ADGRE2: variants seen among roughly 807,000 people sequenced by gnomAD.
The protein encoded by ADGRE2 is adhesion G protein-coupled receptor E2.
In ADGRE2, 83 loss-of-function variants were observed where a neutral mutation model predicts 100.8. That is an observed-to-expected ratio of 0.82 (90% CI 0.69 to 0.99). ADGRE2 has a LOEUF of 0.99. Among genes scored for constraint, ADGRE2 ranks in the 50% least tolerant of loss-of-function variants. The probability of loss-of-function intolerance (pLI) is 0.00; values close to 1 mark genes in which losing one functional copy is unlikely to be tolerated. For missense variants in ADGRE2, 814 were observed against 1,035.7 expected (o/e 0.79, Z 2.94); for synonymous variants, 355 against 413.0 (o/e 0.86, Z 1.70).
In ADGRE2 at chr19:14,776,812, C is replaced by A. The variant is rs558069703; in HGVS notation, c.-56G>T. On this transcript the variant is annotated 5_prime_UTR_variant, in exon 2 of 21. Transcript: ENST00000315576. ...AGGGGAAAGAGTGAGTGGGACAGGG[C>A]TGTCCCGTCTCCGCAGGCTGGGCAG... 2.9e-5 allele frequency: 46 copies of A among 1,608,056 alleles called. No individual in the cohort carries two copies. In the Admixed American group the frequency reaches 7.8e-4, roughly 27 times the overall value.
intron 5 of ADGRE2, among the ~76,000 whole-genome samples, chr19:14,769,387 A>G (rs1323959880): frequency 6.6e-6 from 1 of 152,058 alleles, no homozygotes. Context: ...TGATGCCTGG[A>G]GTAAGTGGGG....
At chr19:14,731,650 A>T (rs2042672597), downstream of ADGRE2, 1 of 155,360 alleles carries the variant, frequency 6.4e-6, no homozygotes, top group Admixed American at 6.5e-5. Flanking sequence ...TCTACCTTAA[A>T]GCCGTATTTC....
downstream of ADGRE2, chr19:14,731,320 C>T (rs2042669458): frequency 1.1e-6 from 1 of 884,564 alleles, no homozygotes; most frequent in East Asian, 2.7e-5. Flanking sequence ...AGGTCAGTGG[C>T]CTTGGACTTT....
At chr19:14,748,079 G>A (rs1288713274) in intron 16 of ADGRE2, among the ~76,000 whole-genome samples, 1 of 152,040 alleles carries the variant, frequency 6.6e-6, no homozygotes, top group Non-Finnish European at 1.5e-5. Flanking sequence ...TCGTCACCCT[G>A]GTCATCAGCA....
downstream of ADGRE2, among the ~76,000 whole-genome samples, chr19:14,729,681 G>A (rs1255091638): frequency 6.6e-6 from 1 of 152,146 alleles, no homozygotes; most frequent in Non-Finnish European, 1.5e-5. Flanking sequence ...ACAGGAGGAA[G>A]AAGTTCAGGA....
intron 20 of ADGRE2, among the ~76,000 whole-genome samples, chr19:14,739,136 G>C (rs2042848883): frequency 6.6e-6 from 1 of 151,696 alleles, no homozygotes; most frequent in Non-Finnish European, 1.5e-5. Flanking sequence ...TGCCTGGCTA[G>C]TTTTTGTGTT....
In ADGRE2 at chr19:14,765,692, T is replaced by G. The variant is rs1212739313; in HGVS notation, c.747A>C (p.Gly249=). The G allele has an allele frequency of 6.2e-7, 1 of 1,613,002 alleles. No individual in the cohort carries two copies. Among genetic ancestry groups the G allele is most frequent in the Non-Finnish European group, 8.5e-7 (1 of 1,179,338 alleles). ...RCRPGWKPRH[G]IPNNQKDTVC... is the part of the protein sequence containing the mutation. ...CAGTGTCCTTTTGGTTATTCGGGAT[T>G]CCGTGTCTGGGCTTCCAGCCTGGGC... is the stretch of plus-strand genomic sequence containing the variant. Residue 249 remains glycine (G), a synonymous_variant, in exon 8 of 21, where the codon GGA becomes GGC. Transcript: ENST00000315576.
chr19:14,728,551 C>G (rs1349979665), downstream of ADGRE2, among the ~76,000 whole-genome samples: 1 of 152,120 alleles, frequency 6.6e-6, no homozygotes, highest in Non-Finnish European at 1.5e-5. Flanking sequence ...TAAATGTATT[C>G]AATAGAAAGA....
At chr19:14,737,647 G>A (rs1252608485) in intron 20 of ADGRE2, among the ~76,000 whole-genome samples, 1 of 152,014 alleles carries the variant, frequency 6.6e-6, no homozygotes, top group East Asian at 1.9e-4. Context: ...AAGTTAAGAG[G>A]AAGTAAATGT....
intron 1 of ADGRE2, chr19:14,777,208 G>A (rs1327370935): frequency 4.1e-6 from 2 of 484,712 alleles, no homozygotes; most frequent in Non-Finnish European, 5.4e-6. Context: ...AGGCACGCAG[G>A]GGCCTTGTCA....
chr19:14,736,791 G>T (rs890430600), intron 20 of ADGRE2, among the ~76,000 whole-genome samples: 5 of 135,776 alleles, frequency 3.7e-5, no homozygotes, highest in Non-Finnish European at 4.7e-5. Context: ...TAGAAGTATA[G>T]ATATTTAGAA....
At chr19:14,739,214 C>T (rs2147099101) in intron 20 of ADGRE2, among the ~76,000 whole-genome samples, 1 of 152,274 alleles carries the variant, frequency 6.6e-6, no homozygotes, top group East Asian at 1.9e-4. Flanking sequence ...AAGTGCTCTG[C>T]CCGCCTTGGC....
In ADGRE2 at chr19:14,755,641, C is replaced by T. The variant is rs1386051517; in HGVS notation, c.1416+13G>A. The T allele has an allele frequency of 1.9e-6, 3 of 1,612,890 alleles. No individual in the cohort carries two copies. The highest frequency in any genetic ancestry group is 2.5e-6 in the Non-Finnish European group (3 of 1,178,868). On this transcript the variant is annotated intron_variant, in intron 13 of 20. Transcript: ENST00000315576. ...AGACTATTCACCCACCAACCAACTC[C>T]ACCAGCACTCACACGGTGGGAGAAG...
Position 14,755,121 on chromosome 19 carries a change from T to C in ADGRE2, c.1423A>G (p.Ile475Val). 6.2e-7 allele frequency: 1 copy of C among 1,613,724 alleles called. No homozygotes were observed. The highest frequency in any genetic ancestry group is 8.5e-7 in the Non-Finnish European group (1 of 1,179,854). The change falls in exon 14 of 21, where the codon ATC (isoleucine) becomes GTC (valine). Residue 475 changes from isoleucine (I) to valine (V), a missense_variant. Transcript: ENST00000315576. ...VTFTFSHRSV[I>V]PRQKVLCVFW... ...ACACAGAGCACCTTCTGTCTCGGGA[T>C]CACTGACTGCAGGAACAGAACACAG...
downstream of ADGRE2, among the ~76,000 whole-genome samples, chr19:14,730,425 GTCCT>G (rs549106825): frequency 4.1e-4 from 38 of 93,038 alleles, no homozygotes; most frequent in African/African-American, 1.4e-3. Context: ...CCATCAGTCT[GTCCT>G]TCCTTCCTTC....
At chr19:14,730,350 C>T (rs1023650231), downstream of ADGRE2, among the ~76,000 whole-genome samples, 4 of 152,080 alleles carry the variant, frequency 2.6e-5, no homozygotes, top group South Asian at 2.1e-4. Flanking sequence ...CCACCGTGCC[C>T]GGCCACTGTC....
downstream of ADGRE2, chr19:14,731,097 C>T: frequency 7.6e-7 from 1 of 1,324,154 alleles, no homozygotes. Flanking sequence ...TGCCCCCTCC[C>T]CCCAAGGATT....
chr19:14,761,120 G>T (rs377415465), intron 11 of ADGRE2, among the ~76,000 whole-genome samples: 2 of 152,142 alleles, frequency 1.3e-5, no homozygotes, highest in Admixed American at 6.6e-5. Context: ...ACCAAGTTGC[G>T]GGGGCAGGCG....
intron 20 of ADGRE2, among the ~76,000 whole-genome samples, chr19:14,738,099 A>G (rs1464105917): frequency 1.3e-5 from 2 of 152,184 alleles, no homozygotes; most frequent in Non-Finnish European, 2.9e-5. Flanking sequence ...AAAGATAAGT[A>G]TTTAAGGTGA....
Sources: allele counts gnomAD v4.1 joint callset (sites outside exome capture counted in the v4.1 genomes callset), GRCh38; gene constraint gnomAD v4.1.1; transcripts MANE v1.5; gene names NCBI Gene and HGNC (gene_info 2026-07-23, HGNC 2026-07-21).